Variants in NEK2 observed in about 807,000 individuals in gnomAD.
NEK2 encodes serine/threonine-protein kinase Nek2.
In NEK2, 28 loss-of-function variants were observed where a neutral mutation model predicts 54.1. The observed-to-expected ratio is 0.52, with a 90% CI of 0.38 to 0.71. NEK2 has a LOEUF of 0.71. NEK2 is among the 30% of genes least tolerant of loss of function. The pLI is 0.00. For synonymous variants in NEK2, 176 were observed against 193.1 expected, an observed-to-expected ratio of 0.91 and a Z score of 0.73; for missense variants, 407 against 531.5, an observed-to-expected ratio of 0.77 and a Z score of 2.30.
intron 7 of NEK2, among the ~76,000 whole-genome samples, chr1:211,664,313 A>G (rs939400710): frequency 9.9e-5 from 15 of 152,148 alleles, no homozygotes; most frequent in African/African-American, 3.1e-4. Context: ...TGGGGGCTGG[A>G]GGCTTACAGA....
At chr1:211,660,311 G>A, downstream of NEK2, 1 of 471,522 alleles carries the variant, frequency 2.1e-6, no homozygotes. Flanking sequence ...TCCTCATACT[G>A]CAAGAACACG....
At chr1:211,658,558 T>A, downstream of NEK2, 1 of 405,432 alleles carries the variant, frequency 2.5e-6, no homozygotes, top group Admixed American at 3.0e-5. Context: ...GTGGGAGGAT[T>A]GCTTGAGCCC....
downstream of NEK2, chr1:211,660,212 T>C: frequency 3.2e-6 from 1 of 317,160 alleles, no homozygotes; most frequent in Admixed American, 3.6e-5. Flanking sequence ...TTGTAGATTT[T>C]GCACGCCAGC....
intron 5 of NEK2, chr1:211,669,601 C>T (rs914340661): frequency 9.2e-6 from 4 of 434,288 alleles, no homozygotes; most frequent in African/African-American, 8.0e-5. Flanking sequence ...TGAAGATTGG[C>T]ACATCTTGTG....
intron 1 of NEK2, among the ~76,000 whole-genome samples, 135 bp downstream of exon 1, chr1:211,675,224 CACCCAGGACAGGCTGTCAGATGCAG>C (rs1655540782): frequency 6.6e-6 from 1 of 152,256 alleles, no homozygotes; most frequent in Admixed American, 6.5e-5. Flanking sequence ...TCCTTTAAGC[CACCCAGGACAGGCTGTCAGATGCAG>C]ACCCAGGAAA....
intron 7 of NEK2, 40 bp from the exon 8 acceptor site, chr1:211,663,692 A>T (rs1655086543): frequency 6.4e-7 from 1 of 1,567,614 alleles, no homozygotes; most frequent in African/African-American, 1.4e-5. Flanking sequence ...AGTTACTTGA[A>T]CAGAGTTCAA....
chr1:211,661,254 C>T (rs1655011146), downstream of NEK2: 2 of 669,176 alleles, frequency 3.0e-6, no homozygotes, highest in African/African-American at 3.6e-5. Flanking sequence ...TCCATTCATT[C>T]TGAGGGAGGA....
At position 211,675,413 on chromosome 1, in the gene NEK2, G is replaced by A; in HGVS notation, c.67C>T (p.Gln23Ter). ...TIGTGSYGRC[Q>*]KIRRKSDGKI... ...CCATCACTCTTCCTCCGGATCTTCT[G>A]GCAGCGGCCGTAGGAGCCTGTGCCA... Residue 23 changes from glutamine (Q) to a stop codon, truncating the protein, a stop_gained, in exon 1 of 8, where the codon CAG becomes TAG. Coordinates refer to ENST00000366999, the MANE Select transcript of NEK2 (RefSeq NM_002497.4). LOFTEE classifies it high-confidence loss of function. The A allele has an allele frequency of 6.2e-7, 1 of 1,613,908 alleles. No homozygotes were observed. Among genetic ancestry groups the A allele is most frequent in the Non-Finnish European group, 8.5e-7 (1 of 1,179,792 alleles).
In NEK2 at chr1:211,670,240, G is replaced by A. The variant is rs565227801; in HGVS notation, c.765+41C>T. 1.3e-5 allele frequency: 20 copies of A among 1,573,722 alleles called. No individual in the cohort carries two copies. The South Asian group carries it at 2.0e-4, about 15-fold the overall frequency. ...AGAATGTATGCTCTGACACTTAACT[G>A]ACAGCTAGAAACAGACAATATATCA... On this transcript the variant is annotated intron_variant, in intron 5 of 7. Coordinates refer to ENST00000366999, the MANE Select transcript of NEK2 (RefSeq NM_002497.4).
chr1:211,669,448 T>G (rs1655293269), intron 5 of NEK2, 116 bp from the exon 6 acceptor site: 1 of 916,522 alleles, frequency 1.1e-6, no homozygotes, highest in Non-Finnish European at 1.6e-6. Flanking sequence ...AAGGACTCCT[T>G]TATGGCTAGG....
intron 7 of NEK2, among the ~76,000 whole-genome samples, chr1:211,665,051 AT>A (rs1197340922): frequency 6.6e-6 from 1 of 152,256 alleles, no homozygotes; most frequent in East Asian, 1.9e-4. Flanking sequence ...CATTTTTAAA[AT>A]TCTTCCATTA....
At chr1:211,669,620 T>A (rs1655301347) in intron 5 of NEK2, 2 of 397,278 alleles carry the variant, frequency 5.0e-6, no homozygotes, top group Non-Finnish European at 4.6e-6. Flanking sequence ...TGCTGGGGCT[T>A]GGTAGCATTG....
chr1:211,674,537 T>A (rs929994638), intron 1 of NEK2, 24 bp from the exon 2 acceptor site: 1 of 1,536,862 alleles, frequency 6.5e-7, no homozygotes, highest in Non-Finnish European at 8.9e-7. Flanking sequence ...TTCCAAGGTA[T>A]GAATGAACTC....
intron 5 of NEK2, among the ~76,000 whole-genome samples, chr1:211,670,042 C>T (rs1655320719): frequency 6.6e-6 from 1 of 152,116 alleles, no homozygotes; most frequent in African/African-American, 2.4e-5. Context: ...TCCTTGCTAC[C>T]GACCATCTGT....
At position 211,674,286 on chromosome 1, in the gene NEK2, T is replaced by C; in HGVS notation, c.314+10A>G. On this transcript the variant is annotated intron_variant, in intron 2 of 7. Transcript: ENST00000366999. Reference sequence around the variant, plus strand: ...AATTTCAGCTTACATTTTTAAAAGATTATGCTTACCTTTCCTTGGTTCCCT... The same window carrying C: ...AATTTCAGCTTACATTTTTAAAAGACTATGCTTACCTTTCCTTGGTTCCCT... 1 of 1,598,866 alleles carries C rather than the reference T, an allele frequency of 6.3e-7. No individual in the cohort carries two copies. The highest frequency in any genetic ancestry group is 8.5e-7 in the Non-Finnish European group (1 of 1,169,964).
At position 211,669,345 on chromosome 1, in the gene NEK2, T is replaced by A. The variant is rs1558228824; in HGVS notation, c.766-13A>T. On this transcript the variant is annotated splice_polypyrimidine_tract_variant and intron_variant, in intron 5 of 7. Coordinates refer to ENST00000366999, the MANE Select transcript of NEK2 (RefSeq NM_002497.4). ...GTCGATGGTAATCCTGGGGAAAAAA[T>A]ACTCAGTATTATAGTCAGATTGCAT... 6.2e-7 allele frequency: 1 copy of A among 1,605,708 alleles called. No individual in the cohort carries two copies. Among genetic ancestry groups the A allele is most frequent in the South Asian group, 1.1e-5 (1 of 90,898 alleles).
At chr1:211,670,253 A>G in intron 5 of NEK2, 28 bp downstream of exon 5, 1 of 1,591,496 alleles carries the variant, frequency 6.3e-7, no homozygotes, top group Admixed American at 1.7e-5. Flanking sequence ...AGCTAGAAAC[A>G]GACAATATAT....
chr1:211,662,850 G>GAA lies in NEK2; in HGVS notation c.*574_*575dup, dbSNP rs35451932. On this transcript the variant is annotated 3_prime_UTR_variant, in exon 8 of 8. Coordinates refer to ENST00000366999, the MANE Select transcript of NEK2 (RefSeq NM_002497.4). The surrounding 1 kb of genome is among the most constrained non-coding windows in gnomAD (Gnocchi z 4.2). Reference sequence around the variant, plus strand: ...CAGACAGCTCATATTCTGTTAAACAGAAAAAAAAAAAGAATACAAACATCA... The same window carrying GAA: ...CAGACAGCTCATATTCTGTTAAACAGAAAAAAAAAAAAAGAATACAAACATCA... The GAA allele has an allele frequency of 0.015, 12,321 of 821,304 alleles. No individual in the cohort carries two copies. The highest frequency in any genetic ancestry group is 0.017 in the Non-Finnish European group (11,463 of 682,714). 50.9% of individuals were successfully genotyped at this position (821,304 alleles called of 1,614,324 possible). A position where few individuals can be genotyped will look rare whatever the true frequency, so the allele number is the denominator to read the frequency against.
At chr1:211,669,632 T>C in intron 5 of NEK2, 3 of 372,400 alleles carry the variant, frequency 8.1e-6, no homozygotes, top group Middle Eastern at 8.1e-4. Context: ...GTAGCATTGC[T>C]AGGGTCTGTT....
Sources: allele counts gnomAD v4.1 joint callset (sites outside exome capture counted in the v4.1 genomes callset), GRCh38; gene constraint gnomAD v4.1.1; non-coding constraint Gnocchi (gnomAD v3.1); transcripts MANE v1.5; gene names NCBI Gene and HGNC (gene_info 2026-07-23, HGNC 2026-07-21).